The following RBFOX1 variants were observed in gnomAD, a reference collection of about 807,000 sequenced individuals.
The protein encoded by RBFOX1 is RNA binding protein fox-1 homolog 1.
Under a neutral mutation model 57.7 loss-of-function variants are expected in RBFOX1, and 8 were observed. The observed-to-expected ratio is 0.14, with a 90% CI of 0.08 to 0.25. The LOEUF (loss-of-function observed/expected upper bound fraction) is 0.25. Among genes scored for constraint, RBFOX1 ranks in the 10% least tolerant of loss-of-function variants. RBFOX1 has a pLI of 1.00. For synonymous variants in RBFOX1, 326 were observed against 222.4 expected, an observed-to-expected ratio of 1.47 and a Z score of -4.15; for missense variants, 611 against 548.5, an observed-to-expected ratio of 1.11 and a Z score of -1.14.
intron 3 of RBFOX1, among the ~76,000 whole-genome samples, chr16:6,804,156 C>A (rs527714597): frequency 6.6e-6 from 1 of 151,880 alleles, no homozygotes. Context: ...TACAGGTGCC[C>A]GCCACCATGC....
chr16:6,066,988 A>G (rs560280616), intron 1 of RBFOX1, among the ~76,000 whole-genome samples: 5 of 152,220 alleles, frequency 3.3e-5, no homozygotes, highest in Non-Finnish European at 5.9e-5. Context: ...GCAGGGAGAA[A>G]GGGTGGTGCC....
rs544986471 is a variant in RBFOX1 at position 7,256,962 on chromosome 16, A to T, written c.27+204864A>T. ...ACAGCCTTTCTGTTTCTCCTGTGGC[A>T]TGTGTCATGGCTGGCATTCTCTGTT... On this transcript the variant is annotated intron_variant, in intron 4 of 15. Transcript: ENST00000550418. Among the ~76,000 whole-genome samples, 3 of 152,120 alleles carry T rather than the reference A, an allele frequency of 2.0e-5. No individual in the cohort carries two copies. In the South Asian group the frequency reaches 6.2e-4, roughly 32 times the overall value.
chr16:7,607,753 A>G (rs1481878688), intron 10 of RBFOX1, among the ~76,000 whole-genome samples: 1 of 152,180 alleles, frequency 6.6e-6, no homozygotes, highest in Non-Finnish European at 1.5e-5. Context: ...GAGTTGGCTT[A>G]ATTATTCCAA....
At chr16:6,740,834 TC>T (rs922566805) in intron 3 of RBFOX1, among the ~76,000 whole-genome samples, 8 of 152,194 alleles carry the variant, frequency 5.3e-5, no homozygotes, top group African/African-American at 1.9e-4. Flanking sequence ...TTTCAAAATA[TC>T]AGCAGAGTTT....
chr16:6,064,556 T>A (rs2095733952), intron 1 of RBFOX1, among the ~76,000 whole-genome samples: 1 of 152,124 alleles, frequency 6.6e-6, no homozygotes, highest in Non-Finnish European at 1.5e-5. Flanking sequence ...TATTATTATT[T>A]TTTTAGACGG....
intron 15 of RBFOX1, chr16:7,709,978 C>G (rs1326582875): frequency 2.0e-6 from 2 of 1,007,904 alleles, no homozygotes; most frequent in East Asian, 1.1e-4. Flanking sequence ...ATTGCCAATA[C>G]TTTTAGAAAA....
chr16:5,703,008 C>T (rs2051107172), intron 3 of RBFOX1, among the ~76,000 whole-genome samples: 1 of 152,178 alleles, frequency 6.6e-6, no homozygotes, highest in Non-Finnish European at 1.5e-5. Context: ...AGCTTCCTTT[C>T]CATTGTGTCA....
At chr16:5,280,696 C>T (rs1302399443) in intron 1 of RBFOX1, among the ~76,000 whole-genome samples, 4 of 152,116 alleles carry the variant, frequency 2.6e-5, no homozygotes, top group African/African-American at 9.7e-5. Flanking sequence ...TCCCTTTCCT[C>T]TAGGTTTTCC....
At chr16:7,380,674 T>A (rs969608061) in intron 4 of RBFOX1, among the ~76,000 whole-genome samples, 15 of 152,260 alleles carry the variant, frequency 9.9e-5, no homozygotes, top group African/African-American at 2.7e-4. Context: ...TTGTCTTTGC[T>A]AGGACGATAA....
chr16:7,593,208 T>A (rs2094531243), intron 7 of RBFOX1, among the ~76,000 whole-genome samples: 1 of 152,120 alleles, frequency 6.6e-6, no homozygotes, highest in Admixed American at 6.5e-5. Context: ...CAAACACATT[T>A]CTGGACTCCA....
At chr16:5,765,932 T>C (rs1231599314) in intron 3 of RBFOX1, among the ~76,000 whole-genome samples, 1 of 152,198 alleles carries the variant, frequency 6.6e-6, no homozygotes, top group African/African-American at 2.4e-5. Context: ...GTTCCACCAC[T>C]ACCCAGCTAC....
intron 4 of RBFOX1, among the ~76,000 whole-genome samples, chr16:7,071,839 C>G (rs922830642): frequency 6.6e-6 from 1 of 152,066 alleles, no homozygotes; most frequent in South Asian, 2.1e-4. Context: ...CATTAATCTG[C>G]TCTTCCTCCC....
intron 4 of RBFOX1, among the ~76,000 whole-genome samples, chr16:7,300,968 T>A (rs2096015997): frequency 6.6e-6 from 1 of 152,202 alleles, no homozygotes; most frequent in African/African-American, 2.4e-5. Flanking sequence ...GTCTAGAATT[T>A]TTTTTTGTGG....
chr16:5,324,011 C>T (rs1401346228), intron 1 of RBFOX1, among the ~76,000 whole-genome samples: 2 of 152,252 alleles, frequency 1.3e-5, no homozygotes. Flanking sequence ...CTTTCCCCTA[C>T]ACTGTCTCAG....
rs1031772682 is a variant in RBFOX1 at position 7,443,858 on chromosome 16, G to A, written c.28-74289G>A. Among the ~76,000 whole-genome samples, 9 of 152,276 alleles carry A rather than the reference G, an allele frequency of 5.9e-5. No homozygotes were observed. The South Asian group carries it at 6.2e-4, about 11-fold the overall frequency. On this transcript the variant is annotated intron_variant, in intron 4 of 15. Transcript: ENST00000550418. ...ACCTTGAGGCTAATTAGGGATGCAC[G>A]TGGCGTGAAAATTTTGGGCGTCTGA...
At chr16:7,198,550 A>T (rs2087405356) in intron 4 of RBFOX1, among the ~76,000 whole-genome samples, 2 of 152,214 alleles carry the variant, frequency 1.3e-5, no homozygotes, top group African/African-American at 4.8e-5. Context: ...ACTTAAAAGC[A>T]ATCAAAGTGT....
chr16:6,977,401 G>A (rs1027959980), intron 3 of RBFOX1, among the ~76,000 whole-genome samples: 8 of 151,966 alleles, frequency 5.3e-5, no homozygotes, highest in African/African-American at 1.9e-4. Context: ...CGCAAGTCTG[G>A]TTCTGTTTAG....
intron 3 of RBFOX1, among the ~76,000 whole-genome samples, chr16:6,742,008 A>G (rs943583873): frequency 6.6e-6 from 1 of 152,192 alleles, no homozygotes; most frequent in Admixed American, 6.5e-5. Context: ...CACAAAAATT[A>G]TAAGTGTGTG....
At chr16:6,127,371 T>A (rs11648738) in intron 1 of RBFOX1, among the ~76,000 whole-genome samples, 81,522 of 151,882 alleles carry the variant, frequency 0.54, 22,225 homozygotes, top group Middle Eastern at 0.65. Context: ...TATTTTTTTT[T>A]AAAAATTGCT....
Sources: gnomAD v4.1 joint callset for allele counts (sites outside exome capture counted in the v4.1 genomes callset) on GRCh38, gnomAD v4.1.1 for gene constraint, MANE v1.5 for transcripts, NCBI Gene and HGNC (gene_info 2026-07-23, HGNC 2026-07-21) for gene names.